The following FRMD5 variants were observed in gnomAD, a reference collection of about 807,000 sequenced individuals.
The protein encoded by FRMD5 is FERM domain-containing protein 5.
Under a neutral mutation model 69.0 loss-of-function variants are expected in FRMD5, and 20 were observed. That is an observed-to-expected ratio of 0.29 (90% CI 0.20 to 0.42). The LOEUF is 0.42. Ranked by LOEUF, FRMD5 falls within the 10% of genes least tolerant of loss-of-function variation. The pLI is 1.00. For synonymous variants in FRMD5, 271 were observed against 260.1 expected, an observed-to-expected ratio of 1.04 and a Z score of -0.40; for missense variants, 595 against 708.6, an observed-to-expected ratio of 0.84 and a Z score of 1.82.
chr15:44,102,330 G>A lies in FRMD5; in HGVS notation c.102+92623C>T, dbSNP rs548773310. Among the ~76,000 whole-genome samples the A allele has an allele frequency of 3.0e-4, 45 of 152,362 alleles. No individual in the cohort carries two copies. The South Asian group carries it at 9.1e-3, about 31-fold the overall frequency. Reference sequence around the variant, plus strand: ...ATCAGTTGAGTTCCACTCAAGGAAAGATTGAGTTCTGAGAAGGAAGGAGTT... The same window carrying A: ...ATCAGTTGAGTTCCACTCAAGGAAAAATTGAGTTCTGAGAAGGAAGGAGTT... On this transcript the variant is annotated intron_variant, in intron 1 of 13. Transcript: ENST00000417257.
chr15:43,873,635 G>GAAAC lies in FRMD5; in HGVS notation c.*246_*249dup, dbSNP rs1252121063. 58 of 1,480,914 alleles carry GAAAC rather than the reference G, an allele frequency of 3.9e-5. No individual in the cohort carries two copies. Among genetic ancestry groups the GAAAC allele is most frequent in the Non-Finnish European group, 5.1e-5 (57 of 1,126,100 alleles). 91.7% of individuals were successfully genotyped at this position (1,480,914 alleles called of 1,614,324 possible). On this transcript the variant is annotated 3_prime_UTR_variant, in exon 14 of 14. Transcript: ENST00000417257. ...ATTATCCTGCAAATTGGAAAGATGAGAAACAGAGTCGCTGAGCCTTTCTTG... is the reference window on the plus strand; with the variant it reads ...ATTATCCTGCAAATTGGAAAGATGAGAAACAAACAGAGTCGCTGAGCCTTTCTTG...
chr15:44,031,377 G>C (rs1316370451), intron 1 of FRMD5, among the ~76,000 whole-genome samples: 1 of 152,092 alleles, frequency 6.6e-6, no homozygotes, highest in Non-Finnish European at 1.5e-5. Context: ...CCATAACCTG[G>C]GTGGCTTATA....
In FRMD5 at chr15:44,194,947, G is replaced by A. The variant is rs753008927; in HGVS notation, c.102+6C>T. 30 of 1,521,966 alleles carry A rather than the reference G, an allele frequency of 2.0e-5. No individual in the cohort carries two copies. The highest frequency in any genetic ancestry group is 2.5e-5 in the Non-Finnish European group (28 of 1,138,394). The allele number at this position is 1,521,966 out of a possible 1,614,324, so 94.3% of individuals were successfully genotyped here. Reference sequence around the variant, plus strand: ...CGCGGGCGGGGCGGGGCGGCGCGGCGCTGACCTGGATGGTGCAGGTGTACT... The same window carrying A: ...CGCGGGCGGGGCGGGGCGGCGCGGCACTGACCTGGATGGTGCAGGTGTACT... On this transcript the variant is annotated splice_donor_region_variant and intron_variant, in intron 1 of 13. Transcript: ENST00000417257.
At chr15:44,116,639 G>A (rs1223350903) in intron 1 of FRMD5, among the ~76,000 whole-genome samples, 1 of 152,164 alleles carries the variant, frequency 6.6e-6, no homozygotes, top group Non-Finnish European at 1.5e-5. Context: ...GAGAGAGGGA[G>A]AAGGGTCAGC....
chr15:44,166,188 T>C (rs2077705900), intron 1 of FRMD5, among the ~76,000 whole-genome samples: 1 of 152,202 alleles, frequency 6.6e-6, no homozygotes, highest in Non-Finnish European at 1.5e-5. Flanking sequence ...AATAAACATT[T>C]TTCACATGTT....
chr15:43,897,487 CAAAAAAAAAAAAAAAAAA>C (rs34243475), intron 7 of FRMD5, among the ~76,000 whole-genome samples: 1 of 16,138 alleles, frequency 6.2e-5, no homozygotes, highest in African/African-American at 2.0e-4. Context: ...CACTCCATCT[CAAAAAAAAAAAAAAAAAA>C]AAAAAAAAAA....
chr15:44,176,968 GTAA>G (rs2077908117), intron 1 of FRMD5, among the ~76,000 whole-genome samples: 1 of 20,088 alleles, frequency 5.0e-5, no homozygotes, highest in Admixed American at 8.3e-4. Flanking sequence ...AATAAAATAT[GTAA>G]AAAAAAAAAA....
At chr15:43,994,951 C>T (rs938172094) in intron 1 of FRMD5, among the ~76,000 whole-genome samples, 1 of 152,152 alleles carries the variant, frequency 6.6e-6, no homozygotes, top group Non-Finnish European at 1.5e-5. Flanking sequence ...ACTCCCTCAG[C>T]TTTTGCTTAT....
chr15:43,994,083 AATT>A (rs1322980060), intron 1 of FRMD5, among the ~76,000 whole-genome samples: 8 of 152,212 alleles, frequency 5.3e-5, no homozygotes, highest in Admixed American at 3.9e-4. Flanking sequence ...CATTCAAAGT[AATT>A]ATTGATAGGT....
At chr15:44,159,174 T>C (rs1478275515) in intron 1 of FRMD5, among the ~76,000 whole-genome samples, 1 of 152,192 alleles carries the variant, frequency 6.6e-6, no homozygotes, top group Non-Finnish European at 1.5e-5. Context: ...TGGTGTTTGT[T>C]ACACAAATCT....
At chr15:44,171,054 A>T (rs1017119796) in intron 1 of FRMD5, among the ~76,000 whole-genome samples, 2 of 152,186 alleles carry the variant, frequency 1.3e-5, no homozygotes, top group African/African-American at 4.8e-5. Flanking sequence ...AAAATCTAAA[A>T]TATCCATAGC....
chr15:44,014,018 G>A (rs574495628), intron 1 of FRMD5, among the ~76,000 whole-genome samples: 2 of 152,078 alleles, frequency 1.3e-5, no homozygotes, highest in East Asian at 1.9e-4. Context: ...CACCACGCCC[G>A]GCTAATTTTT....
chr15:44,112,469 A>ATT lies in FRMD5; in HGVS notation c.102+82482_102+82483dup, dbSNP rs748146315. ...CTTATCTGCCACTGCACCTTCACTG[A>ATT]TTTTTTTTTTTTTTTTAGATGGAGT... On this transcript the variant is annotated intron_variant, in intron 1 of 13. Transcript: ENST00000417257. 2.9e-4 allele frequency among the ~76,000 whole-genome samples: 41 copies of ATT among 140,960 alleles called. No homozygotes were observed. In the East Asian group the frequency reaches 5.6e-3, roughly 19 times the overall value. 92.5% of individuals were successfully genotyped at this position (140,960 alleles called of 152,430 possible).
In FRMD5 at chr15:44,116,603, G is replaced by A. The variant is rs182250339; in HGVS notation, c.102+78350C>T. On this transcript the variant is annotated intron_variant, in intron 1 of 13. Coordinates refer to ENST00000417257, the MANE Select transcript of FRMD5 (RefSeq NM_032892.5). ...TGGCTAAAGGGTTAAACAAGGAACC[G>A]GTTGTCTGCAACAGGTTAGGGTTGG... Among the ~76,000 whole-genome samples the A allele has an allele frequency of 7.9e-5, 12 of 152,088 alleles. No individual in the cohort carries two copies. The East Asian group carries it at 1.7e-3, about 22-fold the overall frequency.
At chr15:43,981,644 T>C (rs2090550132) in intron 1 of FRMD5, among the ~76,000 whole-genome samples, 1 of 152,252 alleles carries the variant, frequency 6.6e-6, no homozygotes, top group South Asian at 2.1e-4. Context: ...TCAGTGCCCA[T>C]ATCATAGAAG....
chr15:44,088,408 T>C (rs1894295158), intron 1 of FRMD5, among the ~76,000 whole-genome samples: 1 of 152,126 alleles, frequency 6.6e-6, no homozygotes, highest in Admixed American at 6.6e-5. Flanking sequence ...ATCATAAATA[T>C]ATGGTAAAAA....
chr15:44,016,763 C>T (rs1286328979), intron 1 of FRMD5, among the ~76,000 whole-genome samples: 1 of 151,486 alleles, frequency 6.6e-6, no homozygotes, highest in Non-Finnish European at 1.5e-5. Context: ...GGGTTCGAGT[C>T]TAGCTACTAC....
intron 1 of FRMD5, among the ~76,000 whole-genome samples, chr15:43,998,437 A>T (rs1044543530): frequency 2.6e-5 from 4 of 152,190 alleles, no homozygotes; most frequent in African/African-American, 9.7e-5. Context: ...CTAGTTTCCT[A>T]TTAAAGGTAA....
rs183727657 is a variant in FRMD5, at chr15:44,113,826, C to T, written c.102+81127G>A. On this transcript the variant is annotated intron_variant, in intron 1 of 13. Coordinates refer to ENST00000417257, the MANE Select transcript of FRMD5 (RefSeq NM_032892.5). ...TTAAAAATGGGAATCACGACACACT[C>T]GCAGATAACTGACACAGGGTCTGAA... 1.9e-4 allele frequency among the ~76,000 whole-genome samples: 29 copies of T among 152,214 alleles called. No homozygotes were observed. In the East Asian group the frequency reaches 4.2e-3, roughly 22 times the overall value.
Sources: allele counts gnomAD v4.1 joint callset (sites outside exome capture counted in the v4.1 genomes callset), GRCh38; gene constraint gnomAD v4.1.1; transcripts MANE v1.5; gene names NCBI Gene and HGNC (gene_info 2026-07-23, HGNC 2026-07-21).